The following DLG2 variants were observed in gnomAD, a reference collection of about 807,000 sequenced individuals.
DLG2 encodes the protein disks large homolog 2.
Under a neutral mutation model 132.5 loss-of-function variants are expected in DLG2, and 45 were observed. That is an observed-to-expected ratio of 0.34 (90% CI 0.27 to 0.44). DLG2 has a LOEUF of 0.44. DLG2 is among the 20% of genes least tolerant of loss of function. DLG2 has a pLI of 1.00. For synonymous variants in DLG2, 424 were observed against 419.6 expected (o/e 1.01, Z -0.13); for missense variants, 1,045 against 1,196.9 (o/e 0.87, Z 1.87).
At chr11:85,337,470 G>A (rs1027208938) in intron 3 of DLG2, among the ~76,000 whole-genome samples, 3 of 152,160 alleles carry the variant, frequency 2.0e-5, no homozygotes, top group Admixed American at 6.5e-5. Context: ...GGGTATTTAT[G>A]TTAAAATGAA....
At chr11:84,826,511 T>C (rs2078345090) in intron 6 of DLG2, among the ~76,000 whole-genome samples, 1 of 151,950 alleles carries the variant, frequency 6.6e-6, no homozygotes, top group African/African-American at 2.4e-5. Context: ...CAACTGCAAT[T>C]TCCTTCTGGA....
intron 4 of DLG2, among the ~76,000 whole-genome samples, chr11:85,248,407 AT>A (rs933757414): frequency 9.3e-5 from 14 of 150,524 alleles, no homozygotes; most frequent in East Asian, 7.8e-4. Context: ...CAAATGACAG[AT>A]TTTTTTTTTA....
chr11:84,548,432 G>GC (rs979651518), intron 6 of DLG2, among the ~76,000 whole-genome samples: 4 of 103,598 alleles, frequency 3.9e-5, no homozygotes, highest in African/African-American at 1.5e-4. Flanking sequence ...ATCCCCACCC[G>GC]CCCCCCACCC....
chr11:85,187,809 GCAGTAA>G (rs2080229611), intron 4 of DLG2, among the ~76,000 whole-genome samples: 1 of 152,068 alleles, frequency 6.6e-6, no homozygotes, highest in Admixed American at 6.6e-5. Context: ...AGTGGCATTG[GCAGTAA>G]CAGTAACAGT....
chr11:83,678,846 T>C (rs1481399305), intron 18 of DLG2, among the ~76,000 whole-genome samples: 1 of 152,190 alleles, frequency 6.6e-6, no homozygotes, highest in African/African-American at 2.4e-5. Flanking sequence ...ATGTTTCATT[T>C]TTTATATCAA....
chr11:83,829,576 T>C (rs761727897), intron 17 of DLG2, among the ~76,000 whole-genome samples: 17 of 152,170 alleles, frequency 1.1e-4, no homozygotes, highest in South Asian at 2.1e-4. Context: ...GTGCAAGTTA[T>C]AGATGAAAAT....
intron 6 of DLG2, among the ~76,000 whole-genome samples, chr11:84,590,528 T>A (rs1344041486): frequency 6.6e-6 from 1 of 152,190 alleles, no homozygotes; most frequent in Non-Finnish European, 1.5e-5. Flanking sequence ...GTAACAAAAC[T>A]GTAAATTACA....
At chr11:85,583,140 A>G (rs1191542666) in intron 3 of DLG2, among the ~76,000 whole-genome samples, 344 of 78,618 alleles carry the variant, frequency 4.4e-3, no homozygotes, top group African/African-American at 0.011. Flanking sequence ...GTATATATAT[A>G]TATATATATA....
chr11:84,032,203 G>C (rs1601096), intron 11 of DLG2, among the ~76,000 whole-genome samples: 2,551 of 152,246 alleles, frequency 0.017, 27 homozygotes, highest in Non-Finnish European at 0.025. Flanking sequence ...ATCTAGAAAT[G>C]ATTATGCTTA....
chr11:85,114,722 C>T (rs1723323813), intron 5 of DLG2, among the ~76,000 whole-genome samples: 1 of 151,968 alleles, frequency 6.6e-6, no homozygotes, highest in Non-Finnish European at 1.5e-5. Flanking sequence ...TGACCAATTA[C>T]ACCTGAGATT....
intron 17 of DLG2, among the ~76,000 whole-genome samples, chr11:83,819,436 C>T (rs1436727428): frequency 7.8e-6 from 1 of 127,682 alleles, no homozygotes; most frequent in Non-Finnish European, 1.6e-5. Context: ...TGCCACTATA[C>T]TCCAGCCTGG....
At chr11:83,489,337 A>ACTAT (rs1198918240) in intron 21 of DLG2, among the ~76,000 whole-genome samples, 2 of 152,002 alleles carry the variant, frequency 1.3e-5, no homozygotes, top group East Asian at 3.9e-4. Flanking sequence ...TACAAGACAA[A>ACTAT]CTATCTGATT....
chr11:85,389,158 AAAAC>A (rs1169745980), intron 3 of DLG2, among the ~76,000 whole-genome samples: 1 of 152,136 alleles, frequency 6.6e-6, no homozygotes, highest in Non-Finnish European at 1.5e-5. Context: ...GAATAAATAA[AAAAC>A]AATCGCAACT....
At chr11:85,254,321 A>G (rs1170469040) in intron 4 of DLG2, among the ~76,000 whole-genome samples, 1 of 152,268 alleles carries the variant, frequency 6.6e-6, no homozygotes, top group Non-Finnish European at 1.5e-5. Flanking sequence ...TACAAAGTTT[A>G]GAACAGGTTA....
intron 7 of DLG2, among the ~76,000 whole-genome samples, chr11:84,424,022 G>T (rs1567598230): frequency 6.6e-6 from 1 of 152,136 alleles, no homozygotes; most frequent in Non-Finnish European, 1.5e-5. Flanking sequence ...TGGTGCTTTA[G>T]GGAGACAGAA....
At chr11:84,257,923 G>GTTT (rs2097500945) in intron 7 of DLG2, among the ~76,000 whole-genome samples, 7 of 152,102 alleles carry the variant, frequency 4.6e-5, no homozygotes, top group African/African-American at 9.7e-5. Context: ...CTAGACTCAA[G>GTTT]TGATCCACCT....
chr11:84,067,548 AC>A lies in DLG2; in HGVS notation c.750-8065del, dbSNP rs901380993. On this transcript the variant is annotated intron_variant, in intron 10 of 27. Transcript: ENST00000376104. ...GCTCACAGAGAGGAGAAAATAATACACCCCCCACCACACACACACACACACA... is the reference window on the plus strand; with the variant it reads ...GCTCACAGAGAGGAGAAAATAATACACCCCCACCACACACACACACACACA... Among the ~76,000 whole-genome samples, 302 of 106,990 alleles carry A rather than the reference AC, an allele frequency of 2.8e-3. 2 individuals carry two copies. The highest frequency in any genetic ancestry group is 9.1e-3 in the African/African-American group (283 of 31,052). The allele number at this position is 106,990 out of a possible 152,430, so 70.2% of individuals were successfully genotyped here.
intron 3 of DLG2, among the ~76,000 whole-genome samples, chr11:85,577,072 C>T (rs553533738): frequency 2.2e-4 from 33 of 152,200 alleles, no homozygotes; most frequent in African/African-American, 7.7e-4. Flanking sequence ...AGCTAGGATT[C>T]AGATTATGTA....
At chr11:85,370,319 A>G (rs2084879687) in intron 3 of DLG2, among the ~76,000 whole-genome samples, 1 of 152,226 alleles carries the variant, frequency 6.6e-6, no homozygotes, top group African/African-American at 2.4e-5. Flanking sequence ...AGGCATGGAA[A>G]TGTAAACTTT....
Sources: gnomAD v4.1 joint callset for allele counts (sites outside exome capture counted in the v4.1 genomes callset) on GRCh38, gnomAD v4.1.1 for gene constraint, MANE v1.5 for transcripts, NCBI Gene and HGNC (gene_info 2026-07-23, HGNC 2026-07-21) for gene names.